The following MAPKAPK3 variants were observed in gnomAD, a reference collection of about 807,000 sequenced individuals.
MAPKAPK3 encodes the protein MAP kinase-activated protein kinase 3.
MAPKAPK3 carries 35 observed loss-of-function variants against 49.2 expected under a neutral mutation model. The observed-to-expected ratio is 0.71, with a 90% CI of 0.54 to 0.94. The LOEUF (loss-of-function observed/expected upper bound fraction) is 0.94. Ranked by LOEUF, MAPKAPK3 falls within the 40% of genes least tolerant of loss-of-function variation. MAPKAPK3 has a pLI of 0.00. For missense variants in MAPKAPK3, 398 were observed against 493.1 expected, an observed-to-expected ratio of 0.81 and a Z score of 1.83; for synonymous variants, 178 against 188.7, an observed-to-expected ratio of 0.94 and a Z score of 0.46.
At position 50,649,291 on chromosome 3, in the gene MAPKAPK3, C is replaced by A. The variant is rs2033378655; in HGVS notation, c.*1245C>A. 1 of 152,284 alleles carries A rather than the reference C, an allele frequency of 6.6e-6. No homozygotes were observed. Among genetic ancestry groups the A allele is most frequent in the Non-Finnish European group, 1.5e-5 (1 of 68,066 alleles). The allele number at this position is 152,284 out of a possible 1,614,324, so 9.4% of individuals were successfully genotyped here. The stretch of plus-strand genomic sequence containing the variant: ...GTAATAAACACCATTTCATCATTTT[C>A]TCTTGGCTCCTGGGTTTACTCTTTG... On this transcript the variant is annotated 3_prime_UTR_variant, in exon 11 of 11. Transcript: ENST00000621469.
upstream of MAPKAPK3, among the ~76,000 whole-genome samples, chr3:50,616,351 T>C (rs914125342): frequency 1.3e-5 from 2 of 152,152 alleles, no homozygotes; most frequent in African/African-American, 4.8e-5. Context: ...ACAGCCGGTG[T>C]TGGGAAAACT....
intron 2 of MAPKAPK3, among the ~76,000 whole-genome samples, chr3:50,637,693 A>AAGAGAGAGAG (rs34205773): frequency 8.3e-5 from 12 of 144,918 alleles, no homozygotes; most frequent in African/African-American, 2.6e-4. Context: ...CAGAGAGAGA[A>AAGAGAGAGAG]AGAGAGAGAG....
chr3:50,636,684 G>C (rs1179512041), intron 2 of MAPKAPK3, among the ~76,000 whole-genome samples: 2 of 152,178 alleles, frequency 1.3e-5, no homozygotes, highest in African/African-American at 4.8e-5. Context: ...TGAAGAGGGA[G>C]GGCTTCTGAG....
intron 2 of MAPKAPK3, among the ~76,000 whole-genome samples, chr3:50,639,365 G>A (rs775137098): frequency 2.6e-5 from 4 of 152,106 alleles, no homozygotes; most frequent in African/African-American, 4.8e-5. Context: ...GTCCTTACCG[G>A]TGATCTGTAA....
At chr3:50,611,665 G>A, upstream of MAPKAPK3, 1 of 1,484,316 alleles carries the variant, frequency 6.7e-7, no homozygotes, top group Non-Finnish European at 9.0e-7. Context: ...CCGCGGCAGC[G>A]GCGACTCCGG....
chr3:50,623,521 G>T (rs2032662156), intron 2 of MAPKAPK3, among the ~76,000 whole-genome samples: 1 of 152,156 alleles, frequency 6.6e-6, no homozygotes, highest in South Asian at 2.1e-4. Context: ...AGCTCTCCAG[G>T]ATTCAGGCCT....
At chr3:50,624,671 C>T (rs562428905) in intron 2 of MAPKAPK3, among the ~76,000 whole-genome samples, 75 of 152,218 alleles carry the variant, frequency 4.9e-4, no homozygotes, top group African/African-American at 1.6e-3. Flanking sequence ...CCTCATTTTC[C>T]TCTGCTGGGG....
At chr3:50,632,029 G>A (rs2032927284) in intron 2 of MAPKAPK3, among the ~76,000 whole-genome samples, 1 of 152,216 alleles carries the variant, frequency 6.6e-6, no homozygotes, top group Non-Finnish European at 1.5e-5. Context: ...TAAAGGTCTG[G>A]TGATGTTACC....
intron 2 of MAPKAPK3, among the ~76,000 whole-genome samples, chr3:50,637,391 A>G (rs1307637213): frequency 6.6e-6 from 1 of 151,948 alleles, no homozygotes; most frequent in Non-Finnish European, 1.5e-5. Context: ...CACACCTGTA[A>G]TCCCAGCACT....
upstream of MAPKAPK3, chr3:50,611,810 G>A (rs546321484): frequency 1.5e-5 from 15 of 972,582 alleles, no homozygotes; most frequent in Non-Finnish European, 2.0e-5. Flanking sequence ...CGAGGGCGAG[G>A]GGGGCGGGCC....
upstream of MAPKAPK3, among the ~76,000 whole-genome samples, chr3:50,616,683 CA>C (rs752579167): frequency 7.9e-5 from 12 of 152,184 alleles, no homozygotes; most frequent in Non-Finnish European, 1.6e-4. Context: ...GCGAATTCAA[CA>C]ACGACAAGAT....
chr3:50,617,474 G>C (rs1197143423), intron 1 of MAPKAPK3, 40 bp from the exon 2 acceptor site: 2 of 673,754 alleles, frequency 3.0e-6, no homozygotes, highest in Non-Finnish European at 5.1e-6. Context: ...GGGTGTGTTG[G>C]AAAAGTCTGG....
At chr3:50,629,554 C>T (rs2032851627) in intron 2 of MAPKAPK3, among the ~76,000 whole-genome samples, 1 of 152,202 alleles carries the variant, frequency 6.6e-6, no homozygotes, top group Non-Finnish European at 1.5e-5. Context: ...CAGATTGGGC[C>T]TGTGAGGCTC....
chr3:50,641,646 G>GGGGCAA (rs2033178326), intron 3 of MAPKAPK3, 61 bp from the exon 4 acceptor site: 1 of 1,385,486 alleles, frequency 7.2e-7, no homozygotes, highest in Non-Finnish European at 1.0e-6. Flanking sequence ...ATTTGGGGCA[G>GGGGCAA]GGGCAAGGGT....
chr3:50,633,617 C>G (rs1043529346), intron 2 of MAPKAPK3, among the ~76,000 whole-genome samples: 3 of 152,182 alleles, frequency 2.0e-5, no homozygotes, highest in Admixed American at 6.5e-5. Context: ...TCTGGGTGCT[C>G]TCTCAAAAGT....
At chr3:50,627,184 CAAAAAAAAAAAA>C (rs144747460) in intron 2 of MAPKAPK3, among the ~76,000 whole-genome samples, 1 of 91,322 alleles carries the variant, frequency 1.1e-5, no homozygotes, top group Non-Finnish European at 2.2e-5. Flanking sequence ...AACTCCATCT[CAAAAAAAAAAAA>C]AAAAAAAAAA....
chr3:50,621,651 T>C (rs1035614914), intron 2 of MAPKAPK3, among the ~76,000 whole-genome samples: 1 of 148,960 alleles, frequency 6.7e-6, no homozygotes, highest in East Asian at 2.0e-4. Context: ...ACACCTGTAG[T>C]TCCAGCTACT....
chr3:50,628,604 T>G (rs906052132), intron 2 of MAPKAPK3, among the ~76,000 whole-genome samples: 3 of 152,190 alleles, frequency 2.0e-5, no homozygotes, highest in Non-Finnish European at 4.4e-5. Context: ...CTTCTGAGTA[T>G]GTACTCAGGG....
In MAPKAPK3 at chr3:50,644,801, T is replaced by C. The variant is rs1437822534; in HGVS notation, c.628+269T>C. 2.6e-5 allele frequency among the ~76,000 whole-genome samples: 4 copies of C among 152,232 alleles called. No homozygotes were observed. The South Asian group carries it at 8.3e-4, about 31-fold the overall frequency. On this transcript the variant is annotated intron_variant, in intron 6 of 10. Transcript: ENST00000621469. ...ACATCACAGCAGCTCTAAATATATA[T>C]GTGATAAAAGGCTGCCATCAGCTTG...
Sources: allele counts gnomAD v4.1 joint callset (sites outside exome capture counted in the v4.1 genomes callset), GRCh38; gene constraint gnomAD v4.1.1; transcripts MANE v1.5; gene names NCBI Gene and HGNC (gene_info 2026-07-23, HGNC 2026-07-21).